RANBP2: variants seen among roughly 807,000 people sequenced by gnomAD.
The protein encoded by RANBP2 is RAN binding protein 2, also known as E3 SUMO-protein ligase RanBP2.
In RANBP2, 57 loss-of-function variants were observed where a neutral mutation model predicts 303.6. The observed-to-expected ratio is 0.19, with a 90% confidence interval of 0.15 to 0.23. The LOEUF is 0.23. Ranked by LOEUF, RANBP2 falls within the 10% of genes least tolerant of loss-of-function variation. The pLI is 1.00. For missense variants in RANBP2, 3,138 were observed against 3,780.8 expected, an observed-to-expected ratio of 0.83 and a Z score of 4.46; for synonymous variants, 1,167 against 1,301.5, an observed-to-expected ratio of 0.90 and a Z score of 2.23.
At chr2:108,986,008 C>A in the RANBP2 span, among the ~76,000 whole-genome samples, 1 of 152,124 alleles carries the variant, frequency 6.6e-6, no homozygotes, top group South Asian at 2.1e-4. Context: ...CAGGGCAAAG[C>A]TTTTTTCATA....
At chr2:109,388,907 A>G in the RANBP2 span, among the ~76,000 whole-genome samples, 1 of 152,196 alleles carries the variant, frequency 6.6e-6, no homozygotes, top group South Asian at 2.1e-4. Flanking sequence ...TAGGTAATAG[A>G]GATTAGTGGT....
the RANBP2 span, among the ~76,000 whole-genome samples, chr2:108,975,451 G>A: frequency 6.6e-6 from 1 of 152,182 alleles, no homozygotes; most frequent in Admixed American, 6.5e-5. Flanking sequence ...GCACATGAGA[G>A]CAAGACCTGC....
the RANBP2 span, among the ~76,000 whole-genome samples, chr2:109,042,949 C>T: frequency 6.6e-6 from 1 of 152,210 alleles, no homozygotes; most frequent in Non-Finnish European, 1.5e-5. Flanking sequence ...GCTTGAGACA[C>T]AAAGAGAATC....
At chr2:108,950,679 G>T in the RANBP2 span, among the ~76,000 whole-genome samples, 2 of 152,236 alleles carry the variant, frequency 1.3e-5, no homozygotes, top group Non-Finnish European at 2.9e-5. Flanking sequence ...GCTGCCCTCA[G>T]CCTTCTCCAC....
chr2:109,577,036 T>C, the RANBP2 span, among the ~76,000 whole-genome samples: 5 of 151,846 alleles, frequency 3.3e-5, no homozygotes, highest in South Asian at 2.1e-4. Flanking sequence ...AGGTACAGCA[T>C]AGCAAAACTG....
the RANBP2 span, among the ~76,000 whole-genome samples, chr2:109,584,105 G>A: frequency 1.3e-5 from 2 of 152,176 alleles, no homozygotes; most frequent in African/African-American, 4.8e-5. Context: ...ATATACCCAT[G>A]TAATAAACCT....
chr2:109,196,985 A>G, the RANBP2 span, among the ~76,000 whole-genome samples: 1 of 152,172 alleles, frequency 6.6e-6, no homozygotes, highest in East Asian at 1.9e-4. Context: ...ACAGGTGCTT[A>G]GTTTGATTTC....
chr2:108,865,830 C>T, the RANBP2 span, among the ~76,000 whole-genome samples: 1 of 152,116 alleles, frequency 6.6e-6, no homozygotes, highest in Non-Finnish European at 1.5e-5. Context: ...GGCGGGGTGG[C>T]TATAGTGATC....
the RANBP2 span, among the ~76,000 whole-genome samples, chr2:109,420,476 T>C: frequency 2.0e-5 from 3 of 152,128 alleles, no homozygotes; most frequent in Admixed American, 1.3e-4. Flanking sequence ...GATGGAGTCT[T>C]GCTCTGTCTC....
chr2:109,510,625 G>A, the RANBP2 span, among the ~76,000 whole-genome samples: 3 of 152,280 alleles, frequency 2.0e-5, no homozygotes, highest in East Asian at 1.9e-4. Context: ...GTTCCTAGCC[G>A]GGACCAGGGG....
chr2:109,265,992 A>G, the RANBP2 span, among the ~76,000 whole-genome samples: 1 of 152,024 alleles, frequency 6.6e-6, no homozygotes, highest in Non-Finnish European at 1.5e-5. Flanking sequence ...TTATGTGCGC[A>G]TGTGTGTCAT....
At chr2:108,807,945 A>G in the RANBP2 span, among the ~76,000 whole-genome samples, 2 of 152,170 alleles carry the variant, frequency 1.3e-5, no homozygotes, top group African/African-American at 4.8e-5. Context: ...TTGTTAGCCA[A>G]CTTCTCCACA....
the RANBP2 span, among the ~76,000 whole-genome samples, chr2:109,044,509 C>T: frequency 3.3e-5 from 5 of 151,742 alleles, no homozygotes; most frequent in African/African-American, 1.2e-4. Flanking sequence ...GACGATAGAG[C>T]GAGACTCTGT....
At chr2:109,039,197 AC>A in the RANBP2 span, among the ~76,000 whole-genome samples, 1 of 151,326 alleles carries the variant, frequency 6.6e-6, no homozygotes, top group Middle Eastern at 3.2e-3. Flanking sequence ...TGAAACATCA[AC>A]CCTCCCCTGG....
At chr2:108,723,185 T>C (rs902586087) in intron 1 of RANBP2, among the ~76,000 whole-genome samples, 2 of 152,202 alleles carry the variant, frequency 1.3e-5, no homozygotes, top group Non-Finnish European at 2.9e-5. Context: ...TAGTTGTTTT[T>C]TCTGCCCTTT....
At chr2:108,753,355 C>T in intron 13 of RANBP2, 71 bp from the exon 14 acceptor site, 1 of 1,602,966 alleles carries the variant, frequency 6.2e-7, no homozygotes, top group Non-Finnish European at 8.5e-7. Flanking sequence ...CATATAAAAT[C>T]TTTGGAAAAT....
the RANBP2 span, among the ~76,000 whole-genome samples, chr2:109,446,211 G>T: frequency 6.6e-6 from 1 of 152,152 alleles, no homozygotes. Context: ...GCTTTCTCAC[G>T]CTACAGTTTT....
the RANBP2 span, among the ~76,000 whole-genome samples, chr2:109,081,766 G>A: frequency 6.6e-6 from 1 of 152,178 alleles, no homozygotes; most frequent in Non-Finnish European, 1.5e-5. Context: ...ACCTGCCGCC[G>A]CCAGGGAGCC....
chr2:109,674,410 CAAAAAAAAAAA>C, the RANBP2 span, among the ~76,000 whole-genome samples: 2 of 75,302 alleles, frequency 2.7e-5, no homozygotes, highest in Non-Finnish European at 4.9e-5. Context: ...CTTGTGTCTC[CAAAAAAAAAAA>C]AAAAAAAAAA....
Sources: gnomAD v4.1 joint callset for allele counts (sites outside exome capture counted in the v4.1 genomes callset) on GRCh38, gnomAD v4.1.1 for gene constraint, MANE v1.5 for transcripts, NCBI Gene and HGNC (gene_info 2026-07-23, HGNC 2026-07-21) for gene names.